EIF3G: variants seen among roughly 807,000 people sequenced by gnomAD.
EIF3G encodes the protein eukaryotic translation initiation factor 3 subunit G, also known as eukaryotic translation initiation factor 3 RNA-binding subunit.
EIF3G carries 10 observed loss-of-function variants against 41.7 expected under a neutral mutation model. That is an observed-to-expected ratio of 0.24 (90% CI 0.15 to 0.41). The LOEUF is 0.41. Ranked by LOEUF, EIF3G falls within the 10% of genes least tolerant of loss-of-function variation. The pLI is 1.00. For synonymous variants in EIF3G, 204 were observed against 172.5 expected (o/e 1.18, Z -1.43); for missense variants, 297 against 444.0 (o/e 0.67, Z 2.98).
In EIF3G at chr19:10,116,518, G is replaced by A. The variant is rs28558707; in HGVS notation, c.595+282C>T. On this transcript the variant is annotated intron_variant, in intron 7 of 10. Transcript: ENST00000253108. This position sits in a 1 kb window ranked among gnomAD's most constrained non-coding sequence, Gnocchi z 4.1. The stretch of plus-strand genomic sequence containing the variant: ...AACGGAGACACTATACACACAGTGC[G>A]CACACACGATGTGGGGTGGTCAGCA... The A allele has an allele frequency of 0.012, 6,167 of 511,656 alleles. 273 individuals are homozygous for A. The highest frequency in any genetic ancestry group is 0.098 in the African/African-American group (5,144 of 52,562). 31.7% of individuals were successfully genotyped at this position (511,656 alleles called of 1,614,324 possible).
At chr19:10,119,594 G>A (rs1035388387) in intron 2 of EIF3G, 60 bp downstream of exon 2, 2 of 1,539,364 alleles carry the variant, frequency 1.3e-6, no homozygotes, top group Admixed American at 1.9e-5. Context: ...GATGGAAGCA[G>A]GCGGCAGTCA....
Position 10,119,114 on chromosome 19 carries a change from C to G in EIF3G, c.125G>C (p.Ser42Thr), listed in dbSNP as rs769413677. 10 of 1,602,140 alleles carry G rather than the reference C, an allele frequency of 6.2e-6. No homozygotes were observed. Among genetic ancestry groups the G allele is most frequent in the African/African-American group, 1.3e-5 (1 of 74,680 alleles). ...TCCCGGCAGTAGCTCTGGCTCTGGG[C>G]TGGTGTCACCTGTGGCCAGAGGGAT... ...KGIPLATGDT[S>T]PEPELLPGAP... The change falls in exon 3 of 11, where the codon AGC becomes ACC. Residue 42 changes from serine (S) to threonine (T), a missense_variant. Around this residue, in one of 4 missense-constraint regions of EIF3G, gnomAD observed 147 missense variants for 162.4 expected, o/e 0.91. Transcript: ENST00000253108.
rs1450162112 is a variant in EIF3G, at chr19:10,116,356, C to T, written c.596-282G>A. On this transcript the variant is annotated intron_variant, in intron 7 of 10. Transcript: ENST00000253108. This position sits in a 1 kb window ranked among gnomAD's most constrained non-coding sequence, Gnocchi z 4.1. ...GGCAGCAGCCTCACATGCACAGCAA[C>T]GGCAGACATGGGACACACAACAGGA... 9 of 541,756 alleles carry T rather than the reference C, an allele frequency of 1.7e-5. No homozygotes were observed. Among genetic ancestry groups the T allele is most frequent in the South Asian group, 4.4e-5 (2 of 45,364 alleles). The allele number at this position is 541,756 out of a possible 1,614,324, so 33.6% of individuals were successfully genotyped here. A position where few individuals can be genotyped will look rare whatever the true frequency, so the allele number is the denominator to read the frequency against.
rs767155619 is a variant in EIF3G, at chr19:10,115,063, G to A, written c.*51C>T. On this transcript the variant is annotated 3_prime_UTR_variant, in exon 11 of 11. Transcript: ENST00000253108. ...GCCCTTGGAGCCCGCGCTCTCGGAG[G>A]CTGTCTTCTGTCGCCAAGGGTCCCG... 1.9e-6 allele frequency: 3 copies of A among 1,613,012 alleles called. No homozygotes were observed. The South Asian group carries it at 3.3e-5, about 18-fold the overall frequency.
chr19:10,118,898 G>A lies in EIF3G; in HGVS notation c.210C>T (p.Tyr70=). 1 of 1,612,432 alleles carries A rather than the reference G, an allele frequency of 6.2e-7. No homozygotes were observed. The highest frequency in any genetic ancestry group is 8.5e-7 in the Non-Finnish European group (1 of 1,179,826). Residue 70 remains tyrosine, a synonymous_variant, in exon 4 of 11, where the codon TAC becomes TAT. Coordinates refer to ENST00000253108, the MANE Select transcript of EIF3G (RefSeq NM_003755.5). ...ACTTCTTGCCATCCTCATCTATCTT[G>A]TACTCTGTCACTGTCTTTATGTTTC... is the stretch of plus-strand genomic sequence containing the variant. ...INGNIKTVTE[Y]KIDEDGKKFK... is the part of the protein sequence containing the mutation.
intron 3 of EIF3G, 31 bp downstream of exon 3, chr19:10,119,048 AGTGGCAGTC>A (rs2089283560): frequency 2.5e-6 from 4 of 1,601,384 alleles, no homozygotes; most frequent in Non-Finnish European, 3.4e-6. Context: ...CCGGACACCG[AGTGGCAGTC>A]CTCACTCACC....
Position 10,119,871 on chromosome 19 carries a change from T to C in EIF3G, c.-12A>G. Reference sequence around the variant, plus strand: ...TCTCCAGTAGGCATCGCAAAAAGTATTCTCCACGCAGCCCAAGCCCGGCCA... The same window carrying C: ...TCTCCAGTAGGCATCGCAAAAAGTACTCTCCACGCAGCCCAAGCCCGGCCA... On this transcript the variant is annotated 5_prime_UTR_variant, in exon 1 of 11. Coordinates refer to ENST00000253108, the MANE Select transcript of EIF3G (RefSeq NM_003755.5). 1.9e-6 allele frequency: 3 copies of C among 1,614,124 alleles called. No individual in the cohort carries two copies. Among genetic ancestry groups the C allele is most frequent in the Non-Finnish European group, 2.5e-6 (3 of 1,180,024 alleles).
chr19:10,115,020 G>A lies in EIF3G; in HGVS notation c.*94C>T. The A allele has an allele frequency of 1.3e-6, 2 of 1,566,962 alleles. No homozygotes were observed. Among genetic ancestry groups the A allele is most frequent in the Non-Finnish European group, 1.7e-6 (2 of 1,145,462 alleles). On this transcript the variant is annotated 3_prime_UTR_variant, in exon 11 of 11. Coordinates refer to ENST00000253108, the MANE Select transcript of EIF3G (RefSeq NM_003755.5). ...AAGAACAAAAAGAACCAAGTAGAGA[G>A]AGTGGAGCTGCTTTATTGCCCTTGG...
intron 2 of EIF3G, 40 bp from the exon 3 acceptor site, chr19:10,119,211 G>A (rs1021837719): frequency 1.3e-6 from 2 of 1,542,682 alleles, no homozygotes; most frequent in Admixed American, 2.0e-5. Flanking sequence ...CAGCTCCAGG[G>A]GCAGGAGCTC....
chr19:10,116,273 T>TGGA lies in EIF3G; in HGVS notation c.596-202_596-200dup, dbSNP rs918884858. The stretch of plus-strand genomic sequence containing the variant: ...TTGAGCTCCCAGCCAGCGACACTGG[T>TGGA]GGAGGAGGAGGAGGAGGAGCCCCGA... On this transcript the variant is annotated intron_variant, in intron 7 of 10. Coordinates refer to ENST00000253108, the MANE Select transcript of EIF3G (RefSeq NM_003755.5). The surrounding 1 kb of genome is among the most constrained non-coding windows in gnomAD (Gnocchi z 4.1). The TGGA allele has an allele frequency of 3.8e-5, 23 of 608,646 alleles. No homozygotes were observed. The highest frequency in any genetic ancestry group is 2.2e-4 in the East Asian group (8 of 35,670). The allele number at this position is 608,646 out of a possible 1,614,324, so 37.7% of individuals were successfully genotyped here. A position where few individuals can be genotyped will look rare whatever the true frequency, so the allele number is the denominator to read the frequency against.
chr19:10,116,125 G>A lies in EIF3G; in HGVS notation c.596-51C>T. ...CAACCTCACTGTGGCGCAGGCGTGGGGACAGAGCCGCCCCAGGAAGCTCGG... is the reference window on the plus strand; with the variant it reads ...CAACCTCACTGTGGCGCAGGCGTGGAGACAGAGCCGCCCCAGGAAGCTCGG... On this transcript the variant is annotated intron_variant, in intron 7 of 10. Transcript: ENST00000253108. This position sits in a 1 kb window ranked among gnomAD's most constrained non-coding sequence, Gnocchi z 4.1. The A allele has an allele frequency of 6.4e-7, 1 of 1,553,986 alleles. No homozygotes were observed.
Position 10,119,897 on chromosome 19 carries a change from G to C in EIF3G, c.-38C>G, listed in dbSNP as rs2089292458. 1 of 1,613,934 alleles carries C rather than the reference G, an allele frequency of 6.2e-7. No homozygotes were observed. Among genetic ancestry groups the C allele is most frequent in the African/African-American group, 1.3e-5 (1 of 74,950 alleles). On this transcript the variant is annotated 5_prime_UTR_variant, in exon 1 of 11. Transcript: ENST00000253108. ...TCTCCACGCAGCCCAAGCCCGGCCA[G>C]AGAGCGGAAGCGGGCGAAAACGAGA...
chr19:10,116,182 T>C lies in EIF3G; in HGVS notation c.596-108A>G. On this transcript the variant is annotated intron_variant, in intron 7 of 10. Transcript: ENST00000253108. This position sits in a 1 kb window ranked among gnomAD's most constrained non-coding sequence, Gnocchi z 4.1. Reference sequence around the variant, plus strand: ...GTGTTGAGCCAGCGCAGGCACTGTGTGCCAAACCACAGGCAGCCAGTTGGC... The same window carrying C: ...GTGTTGAGCCAGCGCAGGCACTGTGCGCCAAACCACAGGCAGCCAGTTGGC... 8.7e-7 allele frequency: 1 copy of C among 1,148,976 alleles called. No homozygotes were observed. Among genetic ancestry groups the C allele is most frequent in the Non-Finnish European group, 1.2e-6 (1 of 814,166 alleles). The allele number at this position is 1,148,976 out of a possible 1,614,324, so 71.2% of individuals were successfully genotyped here.
chr19:10,116,134 C>A lies in EIF3G; in HGVS notation c.596-60G>T, dbSNP rs952327187. Reference sequence around the variant, plus strand: ...TGTGGCGCAGGCGTGGGGACAGAGCCGCCCCAGGAAGCTCGGGCTTCAGTG... The same window carrying A: ...TGTGGCGCAGGCGTGGGGACAGAGCAGCCCCAGGAAGCTCGGGCTTCAGTG... On this transcript the variant is annotated intron_variant, in intron 7 of 10. Coordinates refer to ENST00000253108, the MANE Select transcript of EIF3G (RefSeq NM_003755.5). The surrounding 1 kb of genome is among the most constrained non-coding windows in gnomAD (Gnocchi z 4.1). 1 of 1,526,628 alleles carries A rather than the reference C, an allele frequency of 6.6e-7. No individual in the cohort carries two copies. The highest frequency in any genetic ancestry group is 9.0e-7 in the Non-Finnish European group (1 of 1,117,256). The allele number at this position is 1,526,628 out of a possible 1,614,324, so 94.6% of individuals were successfully genotyped here. A position where few individuals can be genotyped will look rare whatever the true frequency, so the allele number is the denominator to read the frequency against.
At position 10,116,671 on chromosome 19, in the gene EIF3G, G is replaced by C. The variant is rs2089256452; in HGVS notation, c.595+129C>G. 1.1e-6 allele frequency: 1 copy of C among 933,094 alleles called. No homozygotes were observed. The highest frequency in any genetic ancestry group is 1.6e-5 in the African/African-American group (1 of 60,734). 57.8% of individuals were successfully genotyped at this position (933,094 alleles called of 1,614,324 possible). On this transcript the variant is annotated intron_variant, in intron 7 of 10. Transcript: ENST00000253108. This position sits in a 1 kb window ranked among gnomAD's most constrained non-coding sequence, Gnocchi z 4.1. ...CATAGGAGGTACAGCCAATTAGGAA[G>C]GCACAGACGCCCCGAGGAGAGTCTG...
At position 10,116,446 on chromosome 19, in the gene EIF3G, C is replaced by G. The variant is rs1385176277; in HGVS notation, c.595+354G>C. ...CACGTCTGCACTCTCACACTCGCCA[C>G]CAGCAAATCCCACCAAAGAATTCGG... On this transcript the variant is annotated intron_variant, in intron 7 of 10. Transcript: ENST00000253108. This position sits in a 1 kb window ranked among gnomAD's most constrained non-coding sequence, Gnocchi z 4.1. The G allele has an allele frequency of 4.2e-6, 2 of 480,132 alleles. No individual in the cohort carries two copies. The highest frequency in any genetic ancestry group is 3.7e-5 in the East Asian group (1 of 26,980). 29.7% of individuals were successfully genotyped at this position (480,132 alleles called of 1,614,324 possible). A position where few individuals can be genotyped will look rare whatever the true frequency, so the allele number is the denominator to read the frequency against.
chr19:10,118,501 G>A (rs1365526038), intron 5 of EIF3G, 167 bp downstream of exon 5: 3 of 701,908 alleles, frequency 4.3e-6, no homozygotes, highest in South Asian at 3.7e-5. Flanking sequence ...GGAGGCGGAG[G>A]TTGCAGTGAG....
In EIF3G at chr19:10,117,208, G is replaced by A. The variant is rs376841743; in HGVS notation, c.301-20C>T. Reference sequence around the variant, plus strand: ...CCAGTTCTGGGCTCAGGGAGGGATGGGGGACAGTTGAGGGCAGGGGCAGGC... The same window carrying A: ...CCAGTTCTGGGCTCAGGGAGGGATGAGGGACAGTTGAGGGCAGGGGCAGGC... On this transcript the variant is annotated intron_variant, in intron 5 of 10. Transcript: ENST00000253108. 16 of 1,581,774 alleles carry A rather than the reference G, an allele frequency of 1.0e-5. No homozygotes were observed. The African/African-American group carries it at 1.3e-4, about 13-fold the overall frequency.
At position 10,118,532 on chromosome 19, in the gene EIF3G, T is replaced by G. The variant is rs926844583; in HGVS notation, c.300+136A>C. The G allele has an allele frequency of 2.1e-5, 21 of 999,496 alleles. No homozygotes were observed. The African/African-American group carries it at 3.3e-4, about 16-fold the overall frequency. The allele number at this position is 999,496 out of a possible 1,614,324, so 61.9% of individuals were successfully genotyped here. On this transcript the variant is annotated intron_variant, in intron 5 of 10. Coordinates refer to ENST00000253108, the MANE Select transcript of EIF3G (RefSeq NM_003755.5). ...GTGAGTCGAGATCGTGCCACTGCAC[T>G]TCAGCCTGGGGGACAGAGCAACACT...
Sources: allele counts gnomAD v4.1 joint callset, GRCh38; gene constraint gnomAD v4.1.1; regional missense constraint gnomAD v4.1.1; non-coding constraint Gnocchi (gnomAD v3.1); transcripts MANE v1.5; gene names NCBI Gene and HGNC (gene_info 2026-07-23, HGNC 2026-07-21).